Variants in ZNF276 observed in about 807,000 individuals in gnomAD.
ZNF276 encodes the protein zinc finger protein 276.
In ZNF276, 59 loss-of-function variants were observed where a neutral mutation model predicts 63.9. The ratio of observed to expected loss-of-function variants is 0.92; its 90% CI spans 0.75 to 1.15. The LOEUF (loss-of-function observed/expected upper bound fraction) is 1.15, where lower values mean the gene tolerates loss of function less well. Ranked by LOEUF, ZNF276 falls within the 50% of genes most tolerant of loss-of-function variation. ZNF276 has a pLI of 0.00. For missense variants in ZNF276, 1,084 were observed against 843.8 expected (o/e 1.28, Z -3.53); for synonymous variants, 496 against 348.4 (o/e 1.42, Z -4.72).
intron 4 of ZNF276, among the ~76,000 whole-genome samples, chr16:89,726,286 T>C (rs1344349028): frequency 1.3e-5 from 2 of 152,096 alleles, no homozygotes; most frequent in Non-Finnish European, 2.9e-5. Context: ...AACCTCTGCC[T>C]CCCAGGTTCA....
At position 89,738,160 on chromosome 16, in the gene ZNF276, C is replaced by A; in HGVS notation, c.1759C>A (p.Leu587Met). 1 of 1,613,396 alleles carries A rather than the reference C, an allele frequency of 6.2e-7. No individual in the cohort carries two copies. The highest frequency in any genetic ancestry group is 8.5e-7 in the Non-Finnish European group (1 of 1,179,956). The change falls in exon 11 of 11, where the codon CTG (leucine) becomes ATG (methionine). Residue 587 changes from leucine (L) to methionine (M), a missense_variant. Transcript: ENST00000443381. ...GCTGACACAGACCCAGGACAAGGCC[C>A]TGCCCCTGGAGGCGGAACCACCACC... ...HPLTQTQDKA[L>M]PLEAEPPPGP...
chr16:89,739,723 A>G lies in ZNF276; in HGVS notation c.*1477A>G. On this transcript the variant is annotated 3_prime_UTR_variant, in exon 11 of 11. Transcript: ENST00000443381. Reference sequence around the variant, plus strand: ...CCAGGTACCTGTCAGCAGCTGGGAGAGGATGGGGGGGTCGACCTCTTGCAG... The same window carrying G: ...CCAGGTACCTGTCAGCAGCTGGGAGGGGATGGGGGGGTCGACCTCTTGCAG... 8 of 1,504,312 alleles carry G rather than the reference A, an allele frequency of 5.3e-6. No individual in the cohort carries two copies. Among genetic ancestry groups the G allele is most frequent in the Non-Finnish European group, 6.2e-6 (7 of 1,127,608 alleles). The allele number at this position is 1,504,312 out of a possible 1,614,324, so 93.2% of individuals were successfully genotyped here.
At position 89,723,476 on chromosome 16, in the gene ZNF276, C is replaced by T. The variant is rs764526317; in HGVS notation, c.773C>T (p.Ala258Val). Residue 258 changes from alanine (A) to valine (V), a missense_variant, in exon 4 of 11, where the codon GCA (alanine) becomes GTA (valine). Ala to Val is a moderately conservative substitution (Grantham distance 64). Coordinates refer to ENST00000443381, the MANE Select transcript of ZNF276 (RefSeq NM_001113525.2). ...GCCTTCTTGCTGGACAGTGCGCTGG[C>T]AGTCAAGTGGCCATGGGACAAAGAG... ...CKAFLLDSAL[A>V]VKWPWDKETA... 7 of 1,613,010 alleles carry T rather than the reference C, an allele frequency of 4.3e-6. No individual in the cohort carries two copies. The highest frequency in any genetic ancestry group is 1.6e-4 in the Middle Eastern group (1 of 6,062).
At chr16:89,737,773 G>T (rs1281297736) in intron 9 of ZNF276, 33 bp from the exon 10 acceptor site, 1 of 1,612,666 alleles carries the variant, frequency 6.2e-7, no homozygotes, top group South Asian at 1.1e-5. Flanking sequence ...TGGAGCATCA[G>T]GGGCCTGGAC....
intron 9 of ZNF276, among the ~76,000 whole-genome samples, chr16:89,735,985 G>A (rs2061864152): frequency 6.6e-6 from 1 of 151,370 alleles, no homozygotes; most frequent in Admixed American, 6.6e-5. Context: ...TCCTCTTCCT[G>A]GGGTAAAGCC....
Position 89,740,890 on chromosome 16 carries a change from T to C in ZNF276, c.*2644T>C, listed in dbSNP as rs748069957. On this transcript the variant is annotated 3_prime_UTR_variant, in exon 11 of 11. Transcript: ENST00000443381. ...AGCTGTAAATAAAAACGTGCACTTATTATTACATTAAAATTACCTGTGCTG... is the reference window on the plus strand; with the variant it reads ...AGCTGTAAATAAAAACGTGCACTTACTATTACATTAAAATTACCTGTGCTG... The C allele has an allele frequency of 1.0e-5, 16 of 1,591,208 alleles. No homozygotes were observed. Among genetic ancestry groups the C allele is most frequent in the South Asian group, 4.5e-5 (4 of 89,174 alleles).
intron 8 of ZNF276, 127 bp downstream of exon 8, chr16:89,733,684 C>T (rs1598015065): frequency 2.6e-6 from 3 of 1,137,434 alleles, no homozygotes; most frequent in East Asian, 4.9e-5. Context: ...TTAACCGAGA[C>T]CTGAAGCAGT....
Position 89,739,983 on chromosome 16 carries a change from G to T in ZNF276, c.*1737G>T. 2 of 1,613,732 alleles carry T rather than the reference G, an allele frequency of 1.2e-6. No homozygotes were observed. The highest frequency in any genetic ancestry group is 2.2e-5 in the South Asian group (2 of 91,088). ...CCCTCCGCATTTGTGCCTCAGCAGC[G>T]TGTTTCTTACCACTCTCTGTCAACT... On this transcript the variant is annotated 3_prime_UTR_variant, in exon 11 of 11. Coordinates refer to ENST00000443381, the MANE Select transcript of ZNF276 (RefSeq NM_001113525.2).
chr16:89,735,513 G>T (rs199506914), intron 9 of ZNF276, among the ~76,000 whole-genome samples: 1 of 49,346 alleles, frequency 2.0e-5, no homozygotes, highest in African/African-American at 2.7e-4. Flanking sequence ...GCACTTCCTT[G>T]GGTTTGGTCC....
At chr16:89,728,202 CTTT>C (rs71389418) in intron 5 of ZNF276, among the ~76,000 whole-genome samples, 5 of 124,844 alleles carry the variant, frequency 4.0e-5, no homozygotes, top group Admixed American at 8.3e-5. Flanking sequence ...GGCCACAAAT[CTTT>C]TTTTTTTTTT....
intron 6 of ZNF276, among the ~76,000 whole-genome samples, chr16:89,730,308 C>T (rs1490744241): frequency 6.6e-6 from 1 of 152,128 alleles, no homozygotes; most frequent in African/African-American, 2.4e-5. Flanking sequence ...GGGAGTGCCG[C>T]CTGAGGCTGC....
At chr16:89,725,353 T>G (rs1373069780) in intron 4 of ZNF276, among the ~76,000 whole-genome samples, 1 of 151,396 alleles carries the variant, frequency 6.6e-6, no homozygotes, top group Non-Finnish European at 1.5e-5. Context: ...ACCTAATTTT[T>G]GTATTTTTAG....
Position 89,738,157 on chromosome 16 carries a change from G to GCCCT in ZNF276, c.1757_1760dup (p.Leu589AlafsTer93). ...CCCGCTGACACAGACCCAGGACAAGGCCCTGCCCCTGGAGGCGGAACCACC... is the reference window on the plus strand; with the variant it reads ...CCCGCTGACACAGACCCAGGACAAGGCCCTCCCTGCCCCTGGAGGCGGAACCACC... On this transcript the variant is annotated frameshift_variant, in exon 11 of 11. Transcript: ENST00000443381. LOFTEE classifies it low-confidence loss of function (END_TRUNC). The GCCCT allele has an allele frequency of 1.9e-6, 3 of 1,613,418 alleles. No homozygotes were observed. Among genetic ancestry groups the GCCCT allele is most frequent in the Non-Finnish European group, 2.5e-6 (3 of 1,179,952 alleles).
chr16:89,739,734 G>T lies in ZNF276; in HGVS notation c.*1488G>T, dbSNP rs1031181721. ...TCAGCAGCTGGGAGAGGATGGGGGG[G>T]TCGACCTCTTGCAGGAGGGTGGGTG... On this transcript the variant is annotated 3_prime_UTR_variant, in exon 11 of 11. Transcript: ENST00000443381. The T allele has an allele frequency of 2.1e-5, 31 of 1,495,734 alleles. No individual in the cohort carries two copies. The African/African-American group carries it at 3.9e-4, about 19-fold the overall frequency. The allele number at this position is 1,495,734 out of a possible 1,614,324, so 92.7% of individuals were successfully genotyped here.
chr16:89,721,899 G>C (rs1249478139), intron 1 of ZNF276, 54 bp downstream of exon 1: 2 of 1,142,570 alleles, frequency 1.8e-6, no homozygotes, highest in African/African-American at 1.6e-5. Context: ...GGTTGCTCGT[G>C]GGAGGAGCCG....
At chr16:89,731,659 A>AGTGAGCCTCTCAC (rs1322531876) in intron 6 of ZNF276, 1 of 152,278 alleles carries the variant, frequency 6.6e-6, no homozygotes, top group African/African-American at 2.4e-5. Flanking sequence ...TGTGCGCTCA[A>AGTGAGCCTCTCAC]GTGAGCCTCT....
intron 4 of ZNF276, 58 bp downstream of exon 4, chr16:89,723,767 GT>G: frequency 1.3e-6 from 2 of 1,506,124 alleles, no homozygotes; most frequent in East Asian, 2.4e-5. Context: ...GTGGGGCAGG[GT>G]TTTCAGCAGA....
In ZNF276 at chr16:89,723,682, C is replaced by T. The variant is rs754896548; in HGVS notation, c.979C>T (p.Pro327Ser). 6.2e-6 allele frequency: 10 copies of T among 1,611,080 alleles called. No homozygotes were observed. Among genetic ancestry groups the T allele is most frequent in the Admixed American group, 1.7e-5 (1 of 59,976 alleles). The change falls in exon 4 of 11, where the codon CCA becomes TCA. Residue 327 changes from proline (P) to serine (S), a missense_variant. Coordinates refer to ENST00000443381, the MANE Select transcript of ZNF276 (RefSeq NM_001113525.2). ...GCCCAGGTCGGGCTTCCCACCTCAG[C>T]CAAGCCTGCCCCTTTGCAGGGCCCC... ...VGPRSGFPPQ[P>S]SLPLCRAPGQ...
chr16:89,732,748 C>T, intron 6 of ZNF276: 1 of 192,134 alleles, frequency 5.2e-6, no homozygotes, highest in Non-Finnish European at 1.1e-5. Flanking sequence ...CCCTGCTGTA[C>T]CATGCCCTCG....
Sources: allele counts gnomAD v4.1 joint callset (sites outside exome capture counted in the v4.1 genomes callset), GRCh38; gene constraint gnomAD v4.1.1; transcripts MANE v1.5; gene names NCBI Gene and HGNC (gene_info 2026-07-23, HGNC 2026-07-21).